AKAP6: variants seen among roughly 807,000 people sequenced by gnomAD.
AKAP6 encodes the protein A-kinase anchor protein 6.
A neutral mutation model predicts 188.5 loss-of-function variants in AKAP6; 58 were observed. That is an observed-to-expected ratio of 0.31 (90% CI 0.25 to 0.38). AKAP6 has a LOEUF of 0.38. Ranked by LOEUF, AKAP6 falls within the 10% of genes least tolerant of loss-of-function variation. The pLI is 1.00. For synonymous variants in AKAP6, 989 were observed against 998.6 expected, an observed-to-expected ratio of 0.99 and a Z score of 0.18; for missense variants, 2,710 against 2,740.0, an observed-to-expected ratio of 0.99 and a Z score of 0.24.
chr14:32,735,513 G>T (rs1265733253), intron 10 of AKAP6, 145 bp from the exon 11 acceptor site: 3 of 597,876 alleles, frequency 5.0e-6, no homozygotes, highest in Non-Finnish European at 8.8e-6. Flanking sequence ...GGTATAGATG[G>T]ACTCTTCCAG....
chr14:32,572,963 AAGG>A (rs771385040), intron 4 of AKAP6, among the ~76,000 whole-genome samples: 3 of 152,138 alleles, frequency 2.0e-5, no homozygotes, highest in Non-Finnish European at 4.4e-5. Context: ...GGTGCCAAAC[AAGG>A]GTCTACAGAC....
At chr14:32,642,395 G>A (rs1887796945) in intron 7 of AKAP6, among the ~76,000 whole-genome samples, 1 of 152,108 alleles carries the variant, frequency 6.6e-6, no homozygotes, top group Non-Finnish European at 1.5e-5. Context: ...ATCTACGTTG[G>A]CTGAAAACTT....
At chr14:32,370,600 A>G (rs1002598211) in intron 1 of AKAP6, among the ~76,000 whole-genome samples, 7 of 152,230 alleles carry the variant, frequency 4.6e-5, no homozygotes, top group Non-Finnish European at 7.3e-5. Context: ...GGAAGAAACC[A>G]GTGGCTGTAT....
intron 1 of AKAP6, among the ~76,000 whole-genome samples, chr14:32,352,105 G>GTGTGTGTGTGTGTGTGTGTGTGTT (rs1887303092): frequency 1.5e-5 from 1 of 66,504 alleles, no homozygotes; most frequent in Admixed American, 2.3e-4. Context: ...GTGTGTGTTT[G>GTGTGTGTGTGTGTGTGTGTGTGTT]TGTGTGTGTG....
At chr14:32,446,528 A>C (rs964060174) in intron 2 of AKAP6, among the ~76,000 whole-genome samples, 2 of 152,098 alleles carry the variant, frequency 1.3e-5, no homozygotes, top group Non-Finnish European at 2.9e-5. Context: ...TATTTTTACT[A>C]TCATAGATTA....
intron 10 of AKAP6, chr14:32,732,928 G>A (rs938267944): frequency 4.2e-6 from 2 of 477,254 alleles, no homozygotes; most frequent in Non-Finnish European, 7.4e-6. Flanking sequence ...TGTCATGCTT[G>A]AATGAATGTT....
Position 32,725,429 on chromosome 14 carries a change from G to GT in AKAP6, c.3001-7019dup, listed in dbSNP as rs537339383. 2.4e-4 allele frequency among the ~76,000 whole-genome samples: 37 copies of GT among 152,318 alleles called. 2 individuals carry two copies. In the South Asian group the frequency reaches 7.2e-3, roughly 30 times the overall value. On this transcript the variant is annotated intron_variant, in intron 9 of 13. Coordinates refer to ENST00000280979, the MANE Select transcript of AKAP6 (RefSeq NM_004274.5). Reference sequence around the variant, plus strand: ...AATCACACACAGATGAAGCTGTACAGTTTTTTAAACAGTTTCATCAGTAAC... The same window carrying GT: ...AATCACACACAGATGAAGCTGTACAGTTTTTTTAAACAGTTTCATCAGTAAC...
At chr14:32,551,951 C>T (rs572520632) in intron 4 of AKAP6, among the ~76,000 whole-genome samples, 2 of 152,226 alleles carry the variant, frequency 1.3e-5, no homozygotes, top group East Asian at 3.9e-4. Flanking sequence ...TAGGCGTGAG[C>T]CACCACGCCC....
At chr14:32,523,290 C>A (rs919134474) in intron 2 of AKAP6, among the ~76,000 whole-genome samples, 1 of 152,096 alleles carries the variant, frequency 6.6e-6, no homozygotes, top group Non-Finnish European at 1.5e-5. Flanking sequence ...AACAAACCTG[C>A]ACGTTGTGCA....
intron 5 of AKAP6, among the ~76,000 whole-genome samples, chr14:32,596,844 A>G (rs1373888169): frequency 6.6e-6 from 1 of 152,188 alleles, no homozygotes; most frequent in East Asian, 1.9e-4. Context: ...GGTGGGGACA[A>G]AATGGCGAGA....
At chr14:32,661,843 C>T (rs576240337) in intron 7 of AKAP6, among the ~76,000 whole-genome samples, 1 of 152,224 alleles carries the variant, frequency 6.6e-6, no homozygotes, top group African/African-American at 2.4e-5. Flanking sequence ...ATAATGACAC[C>T]TGATCTACCT....
At chr14:32,335,833 C>A (rs1024256058) in intron 1 of AKAP6, among the ~76,000 whole-genome samples, 2 of 117,374 alleles carry the variant, frequency 1.7e-5, no homozygotes, top group African/African-American at 3.4e-5. Context: ...TTAATACTAT[C>A]CTTTTCTCCT....
intron 11 of AKAP6, among the ~76,000 whole-genome samples, chr14:32,763,833 TA>T (rs2032619693): frequency 6.6e-6 from 1 of 152,202 alleles, no homozygotes; most frequent in African/African-American, 2.4e-5. Flanking sequence ...TGTAATCAGT[TA>T]AAACACCCAG....
At chr14:32,454,001 C>T (rs1891036529) in intron 2 of AKAP6, among the ~76,000 whole-genome samples, 1 of 152,192 alleles carries the variant, frequency 6.6e-6, no homozygotes, top group African/African-American at 2.4e-5. Context: ...CTCTCAGAGT[C>T]TGTCTGTCTT....
intron 8 of AKAP6, among the ~76,000 whole-genome samples, chr14:32,692,983 C>T (rs989977083): frequency 1.3e-5 from 2 of 152,162 alleles, no homozygotes; most frequent in African/African-American, 4.8e-5. Context: ...AGGAAATACT[C>T]TCTTGGGATC....
chr14:32,573,649 A>G (rs1884590690), intron 4 of AKAP6, among the ~76,000 whole-genome samples: 1 of 152,218 alleles, frequency 6.6e-6, no homozygotes, highest in Non-Finnish European at 1.5e-5. Flanking sequence ...GAAGGCACTT[A>G]ATAAATATAT....
At chr14:32,636,810 C>G (rs895791628) in intron 7 of AKAP6, among the ~76,000 whole-genome samples, 1 of 152,064 alleles carries the variant, frequency 6.6e-6, no homozygotes, top group Non-Finnish European at 1.5e-5. Context: ...GAGGAGCAGA[C>G]TGTGAACGGA....
At chr14:32,735,953 TG>T in intron 11 of AKAP6, 71 bp downstream of exon 11, 1 of 1,164,578 alleles carries the variant, frequency 8.6e-7, no homozygotes, top group Admixed American at 2.3e-5. Flanking sequence ...ATCAAGTACA[TG>T]AAGTATTATA....
chr14:32,388,196 CCA>C (rs1888596130), intron 1 of AKAP6, among the ~76,000 whole-genome samples: 1 of 151,932 alleles, frequency 6.6e-6, no homozygotes, highest in Non-Finnish European at 1.5e-5. Context: ...GTAATATCTC[CCA>C]TTTTATTTCT....
Sources: gnomAD v4.1 joint callset for allele counts (sites outside exome capture counted in the v4.1 genomes callset) on GRCh38, gnomAD v4.1.1 for gene constraint, MANE v1.5 for transcripts, NCBI Gene and HGNC (gene_info 2026-07-23, HGNC 2026-07-21) for gene names.